Variants in GLRA2 observed in about 807,000 individuals in gnomAD.
The protein encoded by GLRA2 is glycine receptor alpha 2, also known as glycine receptor subunit alpha-2.
In GLRA2, 11 loss-of-function variants were observed where a neutral mutation model predicts 31.6. The observed-to-expected ratio is 0.35, with a 90% CI of 0.22 to 0.58. The LOEUF (loss-of-function observed/expected upper bound fraction) is 0.58, where lower values mean the gene tolerates loss of function less well. GLRA2 is among the 20% of genes least tolerant of loss of function. The probability of loss-of-function intolerance (pLI) is 0.84; values close to 1 mark genes in which losing one functional copy is unlikely to be tolerated. For synonymous variants in GLRA2, 132 were observed against 134.0 expected, an observed-to-expected ratio of 0.99 and a Z score of 0.10; for missense variants, 212 against 351.8, an observed-to-expected ratio of 0.60 and a Z score of 3.18.
At chrX:14,599,320 C>T (rs780415988) in intron 4 of GLRA2, among the ~76,000 whole-genome samples, 4 of 112,224 alleles carry the variant, frequency 3.6e-5, no homozygotes, top group Non-Finnish European at 5.6e-5. Flanking sequence ...TTCAGATTAT[C>T]GGGGAAGAGG....
Position 14,730,891 on chromosome X carries a change from TACACACACACACACACAC to T in GLRA2, c.*448_*465del, listed in dbSNP as rs55910036. The stretch of plus-strand genomic sequence containing the variant: ...AATTCTGGTACTGAAAAGTTAGCTA[TACACACACACACACACAC>T]ACACACACACACACACACACACACA... On this transcript the variant is annotated 3_prime_UTR_variant, in exon 9 of 9. Transcript: ENST00000218075. 0.048 allele frequency: 4,739 copies of T among 97,715 alleles called. 141 individuals are homozygous for T. Among genetic ancestry groups the T allele is most frequent in the Non-Finnish European group, 0.06 (3,199 of 53,265 alleles). 8.1% of individuals were successfully genotyped at this position (97,715 alleles called of 1,213,427 possible). A position where few individuals can be genotyped will look rare whatever the true frequency, so the allele number is the denominator to read the frequency against.
chrX:14,513,027 C>A, the GLRA2 span, among the ~76,000 whole-genome samples: 287 of 111,813 alleles, frequency 2.6e-3, 1 homozygote, highest in African/African-American at 8.9e-3. Context: ...TACTATAAGG[C>A]CATAGTCACC....
chrX:14,454,165 C>T, the GLRA2 span, among the ~76,000 whole-genome samples: 1 of 29,221 alleles, frequency 3.4e-5, no homozygotes, highest in Admixed American at 4.2e-4. Context: ...TAAACACACC[C>T]ACACACACCC....
chrX:14,482,052 A>C, the GLRA2 span, among the ~76,000 whole-genome samples: 1 of 112,289 alleles, frequency 8.9e-6, no homozygotes, highest in African/African-American at 3.2e-5. Context: ...TTTTTCAAAA[A>C]TGTGCTTTAA....
At chrX:14,477,918 T>C in the GLRA2 span, among the ~76,000 whole-genome samples, 4 of 110,734 alleles carry the variant, frequency 3.6e-5, no homozygotes, top group Non-Finnish European at 7.6e-5. Context: ...AGACTTGAAG[T>C]TGTGACCTAA....
At chrX:14,571,694 T>C (rs2089885134) in intron 2 of GLRA2, among the ~76,000 whole-genome samples, 1 of 111,544 alleles carries the variant, frequency 9.0e-6, no homozygotes, top group African/African-American at 3.3e-5. Context: ...TCTTAGTATA[T>C]GCGTGTGCTA....
chrX:14,557,125 T>C (rs2089654614), intron 2 of GLRA2, among the ~76,000 whole-genome samples: 1 of 62,516 alleles, frequency 1.6e-5, no homozygotes, highest in Non-Finnish European at 3.3e-5. Flanking sequence ...TTTTTTTTTT[T>C]TTTTTTTTGA....
At chrX:14,716,977 T>C (rs749982270) in intron 8 of GLRA2, among the ~76,000 whole-genome samples, 5 of 110,861 alleles carry the variant, frequency 4.5e-5, no homozygotes, top group Non-Finnish European at 7.6e-5. Flanking sequence ...CCTTTGTACA[T>C]ATCTCAAAAA....
intron 2 of GLRA2, among the ~76,000 whole-genome samples, chrX:14,547,609 C>T (rs1006231751): frequency 9.0e-6 from 1 of 111,500 alleles, no homozygotes; most frequent in African/African-American, 3.3e-5. Flanking sequence ...TTCCACATCT[C>T]AAGCCACACC....
chrX:14,672,989 C>T (rs2091109753), intron 7 of GLRA2, among the ~76,000 whole-genome samples: 1 of 111,616 alleles, frequency 9.0e-6, no homozygotes, highest in Non-Finnish European at 1.9e-5. Flanking sequence ...ACTGTGAGCT[C>T]ACATTAAAGT....
intron 7 of GLRA2, among the ~76,000 whole-genome samples, chrX:14,611,230 G>C (rs1288238801): frequency 8.9e-6 from 1 of 112,780 alleles, no homozygotes. Flanking sequence ...TGCAATCCCT[G>C]ACCAGATGCT....
intron 8 of GLRA2, among the ~76,000 whole-genome samples, chrX:14,725,424 G>T (rs1190867104): frequency 9.0e-6 from 1 of 110,875 alleles, no homozygotes; most frequent in Non-Finnish European, 1.9e-5. Flanking sequence ...AGTCCATTAT[G>T]TCCTTGCATT....
chrX:14,457,240 T>C, the GLRA2 span, among the ~76,000 whole-genome samples: 2 of 112,037 alleles, frequency 1.8e-5, no homozygotes, highest in East Asian at 2.8e-4. Context: ...CTGGGTTACA[T>C]GTACAGAACA....
chrX:14,480,891 CG>C, the GLRA2 span, among the ~76,000 whole-genome samples: 4 of 111,102 alleles, frequency 3.6e-5, no homozygotes, highest in Non-Finnish European at 7.6e-5. Context: ...ATTTTAGAGT[CG>C]TTTTTTTCTA....
upstream of GLRA2, among the ~76,000 whole-genome samples, chrX:14,527,935 T>G (rs1274569830): frequency 8.9e-6 from 1 of 112,526 alleles, no homozygotes; most frequent in Non-Finnish European, 1.9e-5. Context: ...ATACTGTTTT[T>G]CTTTTAAATT....
At chrX:14,609,315 A>G (rs977011443) in intron 7 of GLRA2, 110 bp downstream of exon 7, 2 of 437,137 alleles carry the variant, frequency 4.6e-6, no homozygotes, top group Non-Finnish European at 7.8e-6. Flanking sequence ...ACTGTCATAG[A>G]TATGAATGCA....
At chrX:14,659,971 G>C (rs1032082826) in intron 7 of GLRA2, among the ~76,000 whole-genome samples, 1 of 111,806 alleles carries the variant, frequency 8.9e-6, no homozygotes, top group Non-Finnish European at 1.9e-5. Flanking sequence ...AATGTTTATG[G>C]GGCATCTACT....
intron 8 of GLRA2, among the ~76,000 whole-genome samples, chrX:14,713,425 C>G (rs1378717280): frequency 1.8e-5 from 2 of 112,029 alleles, no homozygotes; most frequent in African/African-American, 6.5e-5. Context: ...TTTCCATATG[C>G]AAGGCATTGC....
chrX:14,541,701 G>A (rs1401814251), intron 2 of GLRA2, among the ~76,000 whole-genome samples: 2 of 111,465 alleles, frequency 1.8e-5, no homozygotes, highest in African/African-American at 6.5e-5. Flanking sequence ...CAGAGTCTCT[G>A]AAAAGTGAAT....
Sources: allele counts gnomAD v4.1 joint callset (sites outside exome capture counted in the v4.1 genomes callset), GRCh38; gene constraint gnomAD v4.1.1; transcripts MANE v1.5; gene names NCBI Gene and HGNC (gene_info 2026-07-23, HGNC 2026-07-21).